KDM2B: variants seen among roughly 807,000 people sequenced by gnomAD.
KDM2B encodes lysine-specific demethylase 2B.
Under a neutral mutation model 150.0 loss-of-function variants are expected in KDM2B, and 26 were observed. The observed-to-expected ratio is 0.17, with a 90% CI of 0.13 to 0.24. KDM2B has a LOEUF of 0.24. Among genes scored for constraint, KDM2B ranks in the 10% least tolerant of loss-of-function variants. KDM2B has a pLI of 1.00. For missense variants in KDM2B, 1,265 were observed against 1,816.9 expected (o/e 0.70, Z 5.52); for synonymous variants, 734 against 729.5 (o/e 1.01, Z -0.10).
At chr12:121,416,250 C>T in the KDM2B span, 2 of 1,614,128 alleles carry the variant, frequency 1.2e-6, no homozygotes, top group East Asian at 4.5e-5. Flanking sequence ...TCAGCATTTG[C>T]AGGAGCCACC....
chr12:121,410,558 AT>A, the KDM2B span, among the ~76,000 whole-genome samples: 7 of 146,144 alleles, frequency 4.8e-5, no homozygotes, highest in South Asian at 2.2e-4. Flanking sequence ...AAAAAAAAAA[AT>A]GCTGGATGGG....
intron 12 of KDM2B, among the ~76,000 whole-genome samples, chr12:121,456,646 CCCT>C (rs1555292832): frequency 6.6e-6 from 1 of 152,206 alleles, no homozygotes; most frequent in East Asian, 1.9e-4. Context: ...CCTCTGGCCT[CCCT>C]GCCCCGAGGA....
At chr12:121,547,761 G>A (rs1432769523) in intron 6 of KDM2B, among the ~76,000 whole-genome samples, 1 of 149,038 alleles carries the variant, frequency 6.7e-6, no homozygotes, top group African/African-American at 2.5e-5. Context: ...TCCTGCCTCA[G>A]CCTCCTGAGT....
chr12:121,442,941 G>T lies in KDM2B; in HGVS notation c.2604+51C>A. The T allele has an allele frequency of 6.2e-7, 1 of 1,606,698 alleles. No individual in the cohort carries two copies. The highest frequency in any genetic ancestry group is 8.5e-7 in the Non-Finnish European group (1 of 1,176,048). The stretch of plus-strand genomic sequence containing the variant: ...GGACTGTGGCCCAGGGAGCTGCGGT[G>T]CAGCTCTAACCGCTCAGGCCTGGGG... On this transcript the variant is annotated intron_variant, in intron 18 of 22. Transcript: ENST00000377071. The surrounding 1 kb of genome is among the most constrained non-coding windows in gnomAD (Gnocchi z 7.7).
chr12:121,425,118 T>A (rs1035185715), downstream of KDM2B, among the ~76,000 whole-genome samples: 1 of 152,024 alleles, frequency 6.6e-6, no homozygotes, highest in African/African-American at 2.4e-5. Flanking sequence ...GAGACCAGCC[T>A]GGTCAACATG....
rs1555317652 is a variant in KDM2B at position 121,579,991 on chromosome 12, A to G, written c.126+795T>C. On this transcript the variant is annotated intron_variant, in intron 1 of 22. Transcript: ENST00000377071. ...ATCATATGCCAGATACAGATTTGGAAAAAAAAAAAAAAAAAAAAAGCTACA... is the reference window on the plus strand; with the variant it reads ...ATCATATGCCAGATACAGATTTGGAGAAAAAAAAAAAAAAAAAAAGCTACA... 25 of 638,684 alleles carry G rather than the reference A, an allele frequency of 3.9e-5. No individual in the cohort carries two copies. In the Middle Eastern group the frequency reaches 1.7e-3, roughly 43 times the overall value. 39.6% of individuals were successfully genotyped at this position (638,684 alleles called of 1,614,324 possible).
chr12:121,502,271 G>C (rs1043210349), intron 11 of KDM2B, among the ~76,000 whole-genome samples: 1 of 152,174 alleles, frequency 6.6e-6, no homozygotes. Context: ...TTCCTCAAGA[G>C]CATTCGGCTG....
At chr12:121,414,771 C>T in the KDM2B span, among the ~76,000 whole-genome samples, 4 of 150,906 alleles carry the variant, frequency 2.7e-5, no homozygotes, top group Non-Finnish European at 5.9e-5. Flanking sequence ...CTCCCGAATT[C>T]AAGCAATTCT....
chr12:121,574,438 G>A (rs1204987646), intron 4 of KDM2B, 109 bp downstream of exon 4: 1 of 993,772 alleles, frequency 1.0e-6, no homozygotes, highest in Non-Finnish European at 1.6e-6. Context: ...TCTCCCGTGG[G>A]GACTTTGTTT....
the KDM2B span, among the ~76,000 whole-genome samples, chr12:121,415,828 CTT>C: frequency 7.5e-6 from 1 of 133,624 alleles, no homozygotes; most frequent in Non-Finnish European, 1.6e-5. Flanking sequence ...ACAGGACAGA[CTT>C]TTGTCCAGTC....
At chr12:121,538,010 C>T (rs1174430633) in intron 6 of KDM2B, among the ~76,000 whole-genome samples, 1 of 150,530 alleles carries the variant, frequency 6.6e-6, no homozygotes, top group Non-Finnish European at 1.5e-5. Flanking sequence ...CCACTCCCGG[C>T]GGCAACGCGA....
At chr12:121,530,464 G>GT (rs1248213440) in intron 8 of KDM2B, among the ~76,000 whole-genome samples, 2 of 151,820 alleles carry the variant, frequency 1.3e-5, no homozygotes, top group Non-Finnish European at 1.5e-5. Context: ...CTGTTCCTAA[G>GT]TTTTTTTTCA....
At chr12:121,503,742 C>G (rs1884809977) in intron 11 of KDM2B, among the ~76,000 whole-genome samples, 1 of 152,244 alleles carries the variant, frequency 6.6e-6, no homozygotes, top group Non-Finnish European at 1.5e-5. Context: ...TTAGCTGCAA[C>G]CTATGTTCAT....
intron 12 of KDM2B, among the ~76,000 whole-genome samples, chr12:121,480,538 G>A (rs1446323314): frequency 7.0e-6 from 1 of 143,800 alleles, no homozygotes; most frequent in Non-Finnish European, 1.5e-5. Flanking sequence ...TTGAGCTCTG[G>A]AGTTCAAGAC....
chr12:121,463,807 G>A (rs1450020336), intron 12 of KDM2B, among the ~76,000 whole-genome samples: 3 of 152,006 alleles, frequency 2.0e-5, no homozygotes, highest in African/African-American at 7.3e-5. Context: ...CCAAACACCC[G>A]AGCTCAAGCC....
intron 12 of KDM2B, among the ~76,000 whole-genome samples, chr12:121,466,939 C>G (rs1304695694): frequency 7.4e-5 from 11 of 147,824 alleles, no homozygotes; most frequent in Non-Finnish European, 1.5e-4. Context: ...CCAGTGCGCT[C>G]GCTCGGCCGC....
chr12:121,435,754 G>A (rs1397379479), intron 22 of KDM2B, among the ~76,000 whole-genome samples: 9 of 152,152 alleles, frequency 5.9e-5, no homozygotes, highest in African/African-American at 1.9e-4. Context: ...TACACCCTTA[G>A]GAGATCAAGG....
the KDM2B span, among the ~76,000 whole-genome samples, chr12:121,420,974 C>T: frequency 2.0e-5 from 3 of 152,100 alleles, no homozygotes; most frequent in East Asian, 3.9e-4. Context: ...ATTATGGCTG[C>T]GAGACCACCA....
intron 4 of KDM2B, among the ~76,000 whole-genome samples, chr12:121,568,125 T>C (rs1890841379): frequency 6.6e-6 from 1 of 152,042 alleles, no homozygotes; most frequent in Non-Finnish European, 1.5e-5. Context: ...GAGCCAACCC[T>C]TTGAAATAAT....
Sources: gnomAD v4.1 joint callset for allele counts (sites outside exome capture counted in the v4.1 genomes callset) on GRCh38, gnomAD v4.1.1 for gene constraint, Gnocchi (gnomAD v3.1) non-coding constraint, MANE v1.5 for transcripts, NCBI Gene and HGNC (gene_info 2026-07-23, HGNC 2026-07-21) for gene names.